SYTL3: variants seen among roughly 807,000 people sequenced by gnomAD.
SYTL3 encodes the protein synaptotagmin-like protein 3.
A neutral mutation model predicts 82.1 loss-of-function variants in SYTL3; 88 were observed. The observed-to-expected ratio is 1.07, with a 90% confidence interval of 0.90 to 1.28. The LOEUF (loss-of-function observed/expected upper bound fraction) is 1.28. Ranked by LOEUF, SYTL3 falls within the 50% of genes most tolerant of loss-of-function variation. The pLI is 0.00. For synonymous variants in SYTL3, 311 were observed against 289.4 expected, an observed-to-expected ratio of 1.07 and a Z score of -0.76; for missense variants, 831 against 757.6, an observed-to-expected ratio of 1.10 and a Z score of -1.14.
Position 158,663,381 on chromosome 6 carries a change from A to T in SYTL3, c.110+3A>T. 1 of 1,612,980 alleles carries T rather than the reference A, an allele frequency of 6.2e-7. No homozygotes were observed. The highest frequency in any genetic ancestry group is 8.5e-7 in the Non-Finnish European group (1 of 1,179,814). On this transcript the variant is annotated splice_donor_region_variant and intron_variant, in intron 4 of 17. Coordinates refer to ENST00000611299, the MANE Select transcript of SYTL3 (RefSeq NM_001242394.2). ...AACACAGAGGAGGAGAGGACACGGT[A>T]GGCTGCCCTTCCCGGGGGGTCACTT...
intron 14 of SYTL3, 36 bp from the exon 15 acceptor site, chr6:158,760,601 TGGG>T: frequency 6.4e-7 from 1 of 1,573,556 alleles, no homozygotes; most frequent in East Asian, 2.2e-5. Context: ...TCTTGGGACT[TGGG>T]GAATCCTGTC....
At chr6:158,753,077 CTTTT>C (rs34396644) in intron 13 of SYTL3, among the ~76,000 whole-genome samples, 3 of 99,102 alleles carry the variant, frequency 3.0e-5, no homozygotes, top group African/African-American at 8.9e-5. Context: ...TTCTTCTTTT[CTTTT>C]TTTTTTTTTT....
intron 11 of SYTL3, among the ~76,000 whole-genome samples, chr6:158,735,835 G>A (rs58952381): frequency 0.048 from 7,240 of 152,192 alleles, 589 homozygotes; most frequent in African/African-American, 0.16. Context: ...GGTAGCAGGC[G>A]TTCTTACAAA....
intron 12 of SYTL3, among the ~76,000 whole-genome samples, chr6:158,748,261 C>A (rs1006909539): frequency 1.3e-5 from 2 of 152,106 alleles, no homozygotes; most frequent in African/African-American, 4.8e-5. Flanking sequence ...TTGATTTAAT[C>A]AAACTCTCTT....
intron 11 of SYTL3, among the ~76,000 whole-genome samples, chr6:158,733,481 C>G (rs971177933): frequency 6.6e-6 from 1 of 152,022 alleles, no homozygotes; most frequent in Non-Finnish European, 1.5e-5. Context: ...TGCCCGCCAC[C>G]ACGCCCGGCT....
intron 11 of SYTL3, among the ~76,000 whole-genome samples, chr6:158,737,039 C>CAAAAAAAA (rs201499466): frequency 5.3e-5 from 6 of 113,840 alleles, no homozygotes; most frequent in African/African-American, 1.9e-4. Context: ...CATTTCATGG[C>CAAAAAAAA]AAAAAAAAAA....
At chr6:158,733,520 G>T (rs558922344) in intron 11 of SYTL3, among the ~76,000 whole-genome samples, 3 of 151,794 alleles carry the variant, frequency 2.0e-5, no homozygotes, top group Admixed American at 2.0e-4. Flanking sequence ...GTAGAGACAG[G>T]GTTTCACTGT....
At chr6:158,672,623 T>C (rs898109111) in intron 5 of SYTL3, among the ~76,000 whole-genome samples, 8 of 151,714 alleles carry the variant, frequency 5.3e-5, no homozygotes. Context: ...AGTTGGTTTT[T>C]AATTTTTTTA....
chr6:158,729,972 C>G (rs541104018), intron 11 of SYTL3, among the ~76,000 whole-genome samples: 1 of 152,046 alleles, frequency 6.6e-6, no homozygotes, highest in Non-Finnish European at 1.5e-5. Flanking sequence ...GCTTTGTGCT[C>G]ATAACTCTTT....
At chr6:158,670,322 ACT>A (rs535856983) in intron 5 of SYTL3, among the ~76,000 whole-genome samples, 137 of 152,320 alleles carry the variant, frequency 9.0e-4, no homozygotes, top group African/African-American at 3.2e-3. Flanking sequence ...AAAAGGTCTA[ACT>A]CTGCTAACTC....
At chr6:158,674,066 A>G (rs1256405039) in intron 5 of SYTL3, among the ~76,000 whole-genome samples, 2 of 147,538 alleles carry the variant, frequency 1.4e-5, no homozygotes, top group South Asian at 2.1e-4. Context: ...CCTGGGCAAC[A>G]TAGTGAGACT....
At chr6:158,682,867 A>G in intron 5 of SYTL3, 58 bp from the exon 6 acceptor site, 2 of 1,341,474 alleles carry the variant, frequency 1.5e-6, no homozygotes, top group Non-Finnish European at 2.1e-6. Context: ...AAAAGGGGTA[A>G]ATATAGCACT....
intron 15 of SYTL3, among the ~76,000 whole-genome samples, chr6:158,761,547 A>G (rs1789965908): frequency 6.6e-6 from 1 of 151,996 alleles, no homozygotes; most frequent in Admixed American, 6.6e-5. Flanking sequence ...TGACCTCATG[A>G]TCCGCCCACC....
intron 5 of SYTL3, among the ~76,000 whole-genome samples, chr6:158,671,792 A>G (rs185531821): frequency 6.5e-4 from 99 of 151,574 alleles, no homozygotes; most frequent in African/African-American, 2.2e-3. Context: ...TGAAACCTCT[A>G]TATTTTTATA....
At position 158,762,103 on chromosome 6, in the gene SYTL3, A is replaced by ATG. The variant is rs753701432; in HGVS notation, c.1442_1443insTG (p.Gln481HisfsTer6). On this transcript the variant is annotated frameshift_variant, in exon 16 of 18. Transcript: ENST00000611299. LOFTEE classifies it high-confidence loss of function. ...ACAGATCAGCCATCACTTCATGGTC[A>ATG]ACTTTGTTTGGTAGTGCTAGGAGCC... is the stretch of plus-strand genomic sequence containing the variant. 6.2e-6 allele frequency: 10 copies of ATG among 1,613,788 alleles called. No individual in the cohort carries two copies. The highest frequency in any genetic ancestry group is 4.5e-5 in the East Asian group (2 of 44,894).
chr6:158,734,118 A>C (rs959068123), intron 11 of SYTL3, among the ~76,000 whole-genome samples: 6 of 143,786 alleles, frequency 4.2e-5, no homozygotes, highest in Non-Finnish European at 7.6e-5. Flanking sequence ...AAAAAAAAAG[A>C]AGCACCCTTT....
At chr6:158,714,971 G>A (rs993697569) in intron 9 of SYTL3, among the ~76,000 whole-genome samples, 4 of 152,196 alleles carry the variant, frequency 2.6e-5, no homozygotes, top group African/African-American at 9.6e-5. Context: ...TAGGGAGGAA[G>A]CAGCTGAATT....
rs535517747 is a variant in SYTL3 at position 158,710,093 on chromosome 6, TAAATAGGCAAAAACAGCATGC to T, written c.516+1704_516+1724del. 1.3e-4 allele frequency among the ~76,000 whole-genome samples: 20 copies of T among 152,150 alleles called. No individual in the cohort carries two copies. In the East Asian group the frequency reaches 3.9e-3, roughly 29 times the overall value. ...ACACTTAACTGGCCACTTTACACAA[TAAATAGGCAAAAACAGCATGC>T]ATATTTTTGCAAGCATAAACACTCA... On this transcript the variant is annotated intron_variant, in intron 8 of 17. Coordinates refer to ENST00000611299, the MANE Select transcript of SYTL3 (RefSeq NM_001242394.2).
At chr6:158,755,556 T>C (rs1250698025) in intron 13 of SYTL3, among the ~76,000 whole-genome samples, 2 of 152,154 alleles carry the variant, frequency 1.3e-5, no homozygotes, top group East Asian at 1.9e-4. Context: ...GGACAGAGCC[T>C]ACAGGCAGCC....
Sources: allele counts gnomAD v4.1 joint callset (sites outside exome capture counted in the v4.1 genomes callset), GRCh38; gene constraint gnomAD v4.1.1; transcripts MANE v1.5; gene names NCBI Gene and HGNC (gene_info 2026-07-23, HGNC 2026-07-21).